The following ANAPC7 variants were observed in gnomAD, a reference collection of about 807,000 sequenced individuals.
ANAPC7 encodes the protein anaphase promoting complex subunit 7.
ANAPC7 carries 25 observed loss-of-function variants against 63.3 expected under a neutral mutation model. The observed-to-expected ratio is 0.39, with a 90% CI of 0.29 to 0.55. The LOEUF (loss-of-function observed/expected upper bound fraction) is 0.55. ANAPC7 is among the 20% of genes least tolerant of loss of function. ANAPC7 has a pLI of 0.57. For missense variants in ANAPC7, 516 were observed against 691.7 expected (o/e 0.75, Z 2.85); for synonymous variants, 241 against 251.7 (o/e 0.96, Z 0.40).
At chr12:110,381,727 C>T in intron 8 of ANAPC7, 25 bp downstream of exon 8, 2 of 1,608,806 alleles carry the variant, frequency 1.2e-6, no homozygotes, top group Admixed American at 1.7e-5. Context: ...GGATTCACAC[C>T]ATTCACCTAT....
At chr12:110,383,102 C>T in intron 6 of ANAPC7, 142 bp from the exon 7 acceptor site, 1 of 590,080 alleles carries the variant, frequency 1.7e-6, no homozygotes, top group South Asian at 2.4e-5. Flanking sequence ...ATCACAGGCT[C>T]CTCCAACTAC....
chr12:110,381,122 T>C (rs928588019), intron 8 of ANAPC7, among the ~76,000 whole-genome samples: 18 of 143,466 alleles, frequency 1.3e-4, no homozygotes, highest in African/African-American at 4.7e-4. Context: ...TCAGAAAAAA[T>C]GGATTATGAA....
intron 5 of ANAPC7, chr12:110,387,287 C>CAGAGAGAGAGAG (rs1304470791): frequency 4.1e-5 from 2 of 49,010 alleles, no homozygotes; most frequent in African/African-American, 8.3e-5. Flanking sequence ...GAGAGAGAGA[C>CAGAGAGAGAGAG]AGAGAGAGAG....
chr12:110,385,278 T>C (rs1313330660), intron 6 of ANAPC7, among the ~76,000 whole-genome samples: 2 of 152,002 alleles, frequency 1.3e-5, no homozygotes, highest in Non-Finnish European at 2.9e-5. Context: ...AACAAACAAA[T>C]AAAAAATCAC....
chr12:110,385,429 A>C (rs898214658), intron 6 of ANAPC7, among the ~76,000 whole-genome samples: 11 of 152,264 alleles, frequency 7.2e-5, no homozygotes, highest in Middle Eastern at 3.4e-3. Flanking sequence ...TCTCAAGCCA[A>C]GATTACTGCA....
chr12:110,397,277 A>G (rs939980417), intron 1 of ANAPC7, among the ~76,000 whole-genome samples: 3 of 143,242 alleles, frequency 2.1e-5, no homozygotes, highest in African/African-American at 5.2e-5. Context: ...AAGAAAGGCC[A>G]GGCGCGGTGG....
chr12:110,383,076 C>A (rs925721853), intron 6 of ANAPC7, 116 bp from the exon 7 acceptor site: 2 of 673,096 alleles, frequency 3.0e-6, no homozygotes, highest in Admixed American at 2.5e-5. Flanking sequence ...CCTGCAGGGG[C>A]TAAGCCCTTT....
chr12:110,395,285 T>G, intron 2 of ANAPC7, 65 bp from the exon 3 acceptor site: 1 of 1,511,976 alleles, frequency 6.6e-7, no homozygotes, highest in African/African-American at 1.4e-5. Flanking sequence ...CTTCAAAACG[T>G]TAAACATAGA....
At chr12:110,376,016 C>T in intron 10 of ANAPC7, 50 bp downstream of exon 10, 1 of 1,534,150 alleles carries the variant, frequency 6.5e-7, no homozygotes, top group Non-Finnish European at 8.8e-7. Context: ...CAGCTCACTG[C>T]CTCCTCTACC....
chr12:110,382,457 A>ATATATACATATATAT (rs1251192302), intron 7 of ANAPC7, among the ~76,000 whole-genome samples: 2 of 65,232 alleles, frequency 3.1e-5, no homozygotes, highest in African/African-American at 1.4e-4. Flanking sequence ...AAAAAAAAAA[A>ATATATACATATATAT]AAAAATATAT....
At position 110,376,060 on chromosome 12, in the gene ANAPC7, G is replaced by A. The variant is rs1380842132; in HGVS notation, c.1508+6C>T. On this transcript the variant is annotated splice_donor_region_variant and intron_variant, in intron 10 of 10. Coordinates refer to ENST00000455511, the MANE Select transcript of ANAPC7 (RefSeq NM_016238.3). ...TGGCCTTCCCCCAAGGGAGGCTAGT[G>A]CCTACCTTAGTGCTATACTATACTG... 3 of 1,609,720 alleles carry A rather than the reference G, an allele frequency of 1.9e-6. No homozygotes were observed. The highest frequency in any genetic ancestry group is 2.5e-6 in the Non-Finnish European group (3 of 1,177,266).
chr12:110,388,688 A>G, intron 3 of ANAPC7, 65 bp from the exon 4 acceptor site: 1 of 1,221,844 alleles, frequency 8.2e-7, no homozygotes, highest in Non-Finnish European at 1.2e-6. Context: ...TCTCACCATG[A>G]AAAAGTCCTA....
intron 6 of ANAPC7, among the ~76,000 whole-genome samples, chr12:110,385,925 CCTTATCCCTTT>C (rs1458638848): frequency 5.3e-5 from 8 of 152,158 alleles, no homozygotes; most frequent in African/African-American, 1.9e-4. Flanking sequence ...CCTTTAATCA[CCTTATCCCTTT>C]CTTATTCCTT....
chr12:110,382,458 AAAAATATAT>A (rs1255757700), intron 7 of ANAPC7, among the ~76,000 whole-genome samples: 48 of 80,450 alleles, frequency 6.0e-4, no homozygotes, highest in African/African-American at 1.9e-3. Flanking sequence ...AAAAAAAAAA[AAAAATATAT>A]ATATATATAT....
intron 3 of ANAPC7, among the ~76,000 whole-genome samples, chr12:110,389,006 C>T (rs577147903): frequency 2.0e-5 from 3 of 148,956 alleles, no homozygotes; most frequent in East Asian, 2.0e-4. Flanking sequence ...GGTGTGAAAC[C>T]GGGAGGCGGA....
At position 110,400,996 on chromosome 12, in the gene ANAPC7, G is replaced by C. The variant is rs151228959; in HGVS notation, c.101+2531C>G. 4.2e-3 allele frequency among the ~76,000 whole-genome samples: 641 copies of C among 152,186 alleles called. 4 individuals are homozygous for C. Among genetic ancestry groups the C allele is most frequent in the African/African-American group, 0.015 (616 of 41,518 alleles). ...GCCTGGGAGGTGGAGGCTGTAGTCA[G>C]CCGAGATCGCACCACTGCACTCCAG... On this transcript the variant is annotated intron_variant, in intron 1 of 10. Transcript: ENST00000455511.
Position 110,373,289 on chromosome 12 carries a change from AC to A in ANAPC7, c.*854del, listed in dbSNP as rs1880981939. On this transcript the variant is annotated 3_prime_UTR_variant, in exon 11 of 11. Coordinates refer to ENST00000455511, the MANE Select transcript of ANAPC7 (RefSeq NM_016238.3). ...TCTCAGGCTCCAGGGAAATTAACCT[AC>A]CCAATATGCAAACAGATGAACCAGC... 6.6e-6 allele frequency: 1 copy of A among 152,110 alleles called. No homozygotes were observed. The highest frequency in any genetic ancestry group is 6.5e-5 in the Admixed American group (1 of 15,268). 9.4% of individuals were successfully genotyped at this position (152,110 alleles called of 1,614,324 possible).
chr12:110,403,019 G>A (rs1386997409), intron 1 of ANAPC7, among the ~76,000 whole-genome samples: 3 of 152,196 alleles, frequency 2.0e-5, no homozygotes, highest in Non-Finnish European at 2.9e-5. Context: ...TCGTATTAGA[G>A]GCGTGAGCCA....
chr12:110,387,239 C>A (rs866127628), intron 5 of ANAPC7: 1 of 35,238 alleles, frequency 2.8e-5, no homozygotes, highest in South Asian at 1.2e-3. Flanking sequence ...GAGAGAGAGA[C>A]AGAGAGACAG....
Sources: gnomAD v4.1 joint callset for allele counts (sites outside exome capture counted in the v4.1 genomes callset) on GRCh38, gnomAD v4.1.1 for gene constraint, MANE v1.5 for transcripts, NCBI Gene and HGNC (gene_info 2026-07-23, HGNC 2026-07-21) for gene names.